Variants in PRUNE2 observed in about 807,000 individuals in gnomAD.
The protein encoded by PRUNE2 is prune homolog 2 with BCH domain.
A neutral mutation model predicts 252.0 loss-of-function variants in PRUNE2; 164 were observed. The ratio of observed to expected loss-of-function variants is 0.65; its 90% CI spans 0.57 to 0.74. The LOEUF (loss-of-function observed/expected upper bound fraction) is 0.74, where lower values mean the gene tolerates loss of function less well. Ranked by LOEUF, PRUNE2 falls within the 30% of genes least tolerant of loss-of-function variation. The pLI is 0.00. For synonymous variants in PRUNE2, 1,292 were observed against 1,350.2 expected, an observed-to-expected ratio of 0.96 and a Z score of 0.94; for missense variants, 3,495 against 3,711.0, an observed-to-expected ratio of 0.94 and a Z score of 1.51.
intron 18 of PRUNE2, among the ~76,000 whole-genome samples, chr9:76,617,428 G>A (rs890571248): frequency 1.3e-5 from 2 of 151,966 alleles, no homozygotes; most frequent in East Asian, 3.9e-4. Flanking sequence ...GTCCTTGATG[G>A]CCTACAGTGT....
intron 8 of PRUNE2, among the ~76,000 whole-genome samples, chr9:76,704,502 G>C (rs1301761198): frequency 1.3e-5 from 2 of 152,168 alleles, no homozygotes; most frequent in African/African-American, 4.8e-5. Context: ...TGAGATTACA[G>C]GCGTGAGCCA....
chr9:76,823,397 T>A (rs2058147480), intron 6 of PRUNE2: 1 of 478,318 alleles, frequency 2.1e-6, no homozygotes, highest in Admixed American at 3.4e-5. Flanking sequence ...TAGGCTTTGT[T>A]TTACTGAGAT....
At chr9:76,797,525 G>A (rs935662103) in intron 6 of PRUNE2, among the ~76,000 whole-genome samples, 1 of 152,144 alleles carries the variant, frequency 6.6e-6, no homozygotes, top group Non-Finnish European at 1.5e-5. Context: ...TTTCCCAAAA[G>A]TCTGAAAATT....
rs541284855 is a variant in PRUNE2 at position 76,636,511 on chromosome 9, A to C, written c.9010T>G (p.Phe3004Val). Reference sequence around the variant, plus strand: ...GTCACAGCAAGGATTGTTCTGATGAACCAAGATGGATGAACAATGATGAAT... The same window carrying C: ...GTCACAGCAAGGATTGTTCTGATGACCCAAGATGGATGAACAATGATGAAT... The part of the protein sequence containing the change: ...KSFIIVHPSW[F>V]IRTILAVTRP... The change falls in exon 15 of 19, where the codon TTC becomes GTC. Residue 3004 changes from phenylalanine (F) to valine (V), a missense_variant. Coordinates refer to ENST00000376718, the MANE Select transcript of PRUNE2 (RefSeq NM_015225.3). 25 of 1,558,636 alleles carry C rather than the reference A, an allele frequency of 1.6e-5. No homozygotes were observed. Among genetic ancestry groups the C allele is most frequent in the South Asian group, 5.9e-5 (5 of 84,676 alleles).
intron 9 of PRUNE2, among the ~76,000 whole-genome samples, chr9:76,659,096 A>G (rs1297391621): frequency 6.6e-6 from 1 of 152,254 alleles, no homozygotes; most frequent in Admixed American, 6.5e-5. Flanking sequence ...CTGTGTCCCG[A>G]GTGCCTCTGA....
At chr9:76,888,501 C>G (rs529176072) in intron 1 of PRUNE2, among the ~76,000 whole-genome samples, 3 of 151,712 alleles carry the variant, frequency 2.0e-5, no homozygotes, top group African/African-American at 7.3e-5. Context: ...TGCTTGAACC[C>G]GAGAGGTGGA....
chr9:76,634,343 T>C (rs1839062326), intron 15 of PRUNE2, among the ~76,000 whole-genome samples: 1 of 152,232 alleles, frequency 6.6e-6, no homozygotes, highest in Non-Finnish European at 1.5e-5. Context: ...TGTTTTCTTA[T>C]TGTTAAACTA....
intron 6 of PRUNE2, among the ~76,000 whole-genome samples, chr9:76,750,027 C>T (rs749524618): frequency 3.3e-5 from 5 of 151,996 alleles, no homozygotes; most frequent in African/African-American, 4.8e-5. Flanking sequence ...GGTGGGCTTC[C>T]GTGTTGAAGA....
At chr9:76,738,995 T>C (rs1078986) in intron 6 of PRUNE2, 104,027 of 152,058 alleles carry the variant, frequency 0.68, 36,804 homozygotes, top group African/African-American at 0.86. Context: ...CACAGCCTCA[T>C]AATCACCCTG....
chr9:76,852,591 C>A (rs2060021006), intron 2 of PRUNE2, among the ~76,000 whole-genome samples: 1 of 152,214 alleles, frequency 6.6e-6, no homozygotes, highest in Non-Finnish European at 1.5e-5. Flanking sequence ...TGTTCATACT[C>A]TGAGAGGGAG....
At chr9:76,679,312 AC>A (rs1418703904) in intron 9 of PRUNE2, among the ~76,000 whole-genome samples, 3 of 152,212 alleles carry the variant, frequency 2.0e-5, no homozygotes, top group African/African-American at 7.2e-5. Flanking sequence ...AAACCAAGTG[AC>A]CTGGATTCCA....
At chr9:76,902,952 G>C (rs2063268941) in intron 1 of PRUNE2, among the ~76,000 whole-genome samples, 1 of 152,224 alleles carries the variant, frequency 6.6e-6, no homozygotes, top group Non-Finnish European at 1.5e-5. Flanking sequence ...AATTTAAAGA[G>C]TAGTAGGGCC....
intron 4 of PRUNE2, among the ~76,000 whole-genome samples, chr9:76,830,496 A>G (rs547694142): frequency 6.6e-6 from 1 of 152,072 alleles, no homozygotes; most frequent in South Asian, 2.1e-4. Context: ...TACTAAAAAT[A>G]TAAAAACTAG....
chr9:76,830,673 A>G (rs924941015), intron 4 of PRUNE2, among the ~76,000 whole-genome samples: 2 of 151,826 alleles, frequency 1.3e-5, no homozygotes, highest in African/African-American at 2.4e-5. Flanking sequence ...AAGAAAAAAA[A>G]AAAAAGAAAA....
chr9:76,746,873 G>GTGGC (rs1564203278), intron 6 of PRUNE2, among the ~76,000 whole-genome samples: 1 of 152,184 alleles, frequency 6.6e-6, no homozygotes, highest in Non-Finnish European at 1.5e-5. Context: ...TCTCTTCCAT[G>GTGGC]TGGCTGTTCA....
At chr9:76,869,552 ATG>A (rs1485969144) in intron 1 of PRUNE2, among the ~76,000 whole-genome samples, 1 of 152,238 alleles carries the variant, frequency 6.6e-6, no homozygotes, top group Non-Finnish European at 1.5e-5. Context: ...TATTCAAAAA[ATG>A]TTTATTAAAA....
Position 76,637,479 on chromosome 9 carries a change from G to A in PRUNE2, c.8902C>T (p.Pro2968Ser), listed in dbSNP as rs1431280172. Residue 2968 changes from proline to serine, a missense_variant, in exon 14 of 19, where the codon CCA (proline) becomes TCA (serine). Transcript: ENST00000376718. ...CCTAGCCCTGGCATCCTCCTTCTTG[G>A]GGTTGCACCATTCAAGTACACAATC... The part of the protein sequence containing the change: ...YMIVYLNGAT[P>S]RRRMPGLGWM... 6.2e-7 allele frequency: 1 copy of A among 1,613,218 alleles called. No homozygotes were observed. The highest frequency in any genetic ancestry group is 1.7e-5 in the Admixed American group (1 of 59,994).
At chr9:76,681,693 C>T (rs1396789923) in intron 9 of PRUNE2, among the ~76,000 whole-genome samples, 1 of 152,150 alleles carries the variant, frequency 6.6e-6, no homozygotes, top group Admixed American at 6.5e-5. Context: ...ATTTTTACCC[C>T]TGAACCACCA....
intron 13 of PRUNE2, 67 bp from the exon 14 acceptor site, chr9:76,637,616 A>T: frequency 7.0e-7 from 1 of 1,423,256 alleles, no homozygotes; most frequent in Non-Finnish European, 9.7e-7. Context: ...ATTACATAAC[A>T]TCAAAAGTAC....
Sources: allele counts gnomAD v4.1 joint callset (sites outside exome capture counted in the v4.1 genomes callset), GRCh38; gene constraint gnomAD v4.1.1; transcripts MANE v1.5; gene names NCBI Gene and HGNC (gene_info 2026-07-23, HGNC 2026-07-21).